SEMA3C: variants seen among roughly 807,000 people sequenced by gnomAD.
SEMA3C encodes semaphorin-3C.
A neutral mutation model predicts 89.4 loss-of-function variants in SEMA3C; 47 were observed. The ratio of observed to expected loss-of-function variants is 0.53; its 90% CI spans 0.42 to 0.67. The LOEUF (loss-of-function observed/expected upper bound fraction) is 0.67, where lower values mean the gene tolerates loss of function less well. Ranked by LOEUF, SEMA3C falls within the 30% of genes least tolerant of loss-of-function variation. SEMA3C has a pLI of 0.00. For missense variants in SEMA3C, 839 were observed against 929.1 expected (o/e 0.90, Z 1.26); for synonymous variants, 310 against 320.2 (o/e 0.97, Z 0.34).
At chr7:80,874,439 C>A (rs1791148715) in intron 2 of SEMA3C, among the ~76,000 whole-genome samples, 2 of 112,542 alleles carry the variant, frequency 1.8e-5, no homozygotes, top group Admixed American at 9.4e-5. Context: ...TTTAAAAGAC[C>A]ATAGCAAGTT....
At chr7:80,770,724 G>A (rs1241160995) in intron 12 of SEMA3C, among the ~76,000 whole-genome samples, 1 of 152,182 alleles carries the variant, frequency 6.6e-6, no homozygotes, top group Non-Finnish European at 1.5e-5. Context: ...CATGATGTAA[G>A]CCTGGCCAAT....
chr7:80,745,439 T>C (rs1034803568), intron 17 of SEMA3C, 132 bp from the exon 18 acceptor site: 6 of 843,112 alleles, frequency 7.1e-6, no homozygotes, highest in African/African-American at 3.5e-5. Flanking sequence ...AGCATCCTTC[T>C]CAGTGGACAT....
chr7:80,872,797 CAAAAAAAAAAA>C (rs1218885274), intron 2 of SEMA3C, among the ~76,000 whole-genome samples: 5 of 40,100 alleles, frequency 1.2e-4, no homozygotes, highest in South Asian at 8.1e-4. Context: ...GAGACTCTGT[CAAAAAAAAAAA>C]AAAAAAAAAA....
chr7:80,906,999 T>C (rs1792031161), intron 2 of SEMA3C, among the ~76,000 whole-genome samples: 1 of 152,184 alleles, frequency 6.6e-6, no homozygotes, highest in African/African-American at 2.4e-5. Flanking sequence ...ACCCTTTGCT[T>C]ACTGTACTTT....
At chr7:80,751,874 G>A (rs929665481) in intron 15 of SEMA3C, among the ~76,000 whole-genome samples, 31 of 152,258 alleles carry the variant, frequency 2.0e-4, no homozygotes, top group African/African-American at 7.2e-4. Flanking sequence ...ACTAGAATAA[G>A]CATGTTGTCC....
In SEMA3C at chr7:80,916,739, A is replaced by C; in HGVS notation, c.43T>G (p.Cys15Gly). 6.2e-7 allele frequency: 1 copy of C among 1,613,856 alleles called. No individual in the cohort carries two copies. The highest frequency in any genetic ancestry group is 8.5e-7 in the Non-Finnish European group (1 of 1,179,812). Reference sequence around the variant, plus strand: ...GAAGATCCTTTCACACAGATAGAACAAATAAATACTCCAACCAACACGCAA... The same window carrying C: ...GAAGATCCTTTCACACAGATAGAACCAATAAATACTCCAACCAACACGCAA... ...TICVLVGVFI[C>G]SICVKGSSQP... The change falls in exon 2 of 18, where the codon TGT (cysteine) becomes GGT (glycine). Residue 15 changes from cysteine to glycine, a missense_variant. Cys to Gly is a radical substitution (Grantham distance 159). Coordinates refer to ENST00000265361, the MANE Select transcript of SEMA3C (RefSeq NM_006379.5).
rs752416967 is a variant in SEMA3C at position 80,804,189 on chromosome 7, C to A, written c.718G>T (p.Val240Leu). ...PDGTDPNDAK[V>L]YFFFKEKLTD... Reference sequence around the variant, plus strand: ...AGTTTTTCTTTGAAGAAGAAGTACACCTTAGCATCATTTGGATCAGTACCA... The same window carrying A: ...AGTTTTTCTTTGAAGAAGAAGTACAACTTAGCATCATTTGGATCAGTACCA... Residue 240 changes from valine to leucine, a missense_variant, in exon 8 of 18, where the codon GTG becomes TTG. Val to Leu is a conservative substitution (Grantham distance 32). Coordinates refer to ENST00000265361, the MANE Select transcript of SEMA3C (RefSeq NM_006379.5). 3 of 1,612,456 alleles carry A rather than the reference C, an allele frequency of 1.9e-6. No homozygotes were observed.
intron 2 of SEMA3C, among the ~76,000 whole-genome samples, chr7:80,906,355 T>C (rs534796837): frequency 3.1e-4 from 47 of 152,208 alleles, no homozygotes; most frequent in Non-Finnish European, 5.4e-4. Flanking sequence ...GGTAATTTCA[T>C]CTAAGTGCTC....
intron 2 of SEMA3C, among the ~76,000 whole-genome samples, chr7:80,894,446 T>A (rs1462760735): frequency 2.0e-5 from 3 of 152,074 alleles, no homozygotes; most frequent in East Asian, 3.9e-4. Flanking sequence ...TTACAAGAAT[T>A]TTTTTTAATG....
At chr7:80,782,015 G>A (rs867323424) in intron 12 of SEMA3C, among the ~76,000 whole-genome samples, 61 of 152,232 alleles carry the variant, frequency 4.0e-4, no homozygotes, top group South Asian at 2.1e-4. Flanking sequence ...CAAAGAGTTT[G>A]ATGGGTGTTT....
chr7:80,879,137 A>C (rs1176446459), intron 2 of SEMA3C, among the ~76,000 whole-genome samples: 1 of 152,158 alleles, frequency 6.6e-6, no homozygotes, highest in Non-Finnish European at 1.5e-5. Context: ...ACAGAAATGC[A>C]GCCAAAGTGC....
intron 11 of SEMA3C, chr7:80,796,726 T>C (rs1488921076): frequency 6.6e-6 from 1 of 152,222 alleles, no homozygotes; most frequent in East Asian, 1.9e-4. Flanking sequence ...TTTAATCTTT[T>C]TATGAATAAG....
At chr7:80,872,786 C>G (rs1400159827) in intron 2 of SEMA3C, among the ~76,000 whole-genome samples, 1 of 118,466 alleles carries the variant, frequency 8.4e-6, no homozygotes, top group Non-Finnish European at 1.6e-5. Flanking sequence ...GGCAACAGAG[C>G]GAGACTCTGT....
intron 2 of SEMA3C, among the ~76,000 whole-genome samples, chr7:80,889,073 G>C (rs1791550193): frequency 6.6e-6 from 1 of 152,114 alleles, no homozygotes; most frequent in Non-Finnish European, 1.5e-5. Context: ...ATGTTGGCCA[G>C]GCTGGTCTCC....
At chr7:80,766,914 C>A (rs11972296) in intron 12 of SEMA3C, among the ~76,000 whole-genome samples, 1 of 152,120 alleles carries the variant, frequency 6.6e-6, no homozygotes, top group African/African-American at 2.4e-5. Flanking sequence ...AAACACACTG[C>A]GCATGCTCTC....
At chr7:80,827,634 TAAAG>T in intron 3 of SEMA3C, 147 bp from the exon 4 acceptor site, 1 of 472,158 alleles carries the variant, frequency 2.1e-6, no homozygotes, top group Non-Finnish European at 3.6e-6. Context: ...AATTCATTAA[TAAAG>T]ATTCTATTAT....
chr7:80,765,936 T>C (rs923607969), intron 12 of SEMA3C, among the ~76,000 whole-genome samples: 1 of 152,156 alleles, frequency 6.6e-6, no homozygotes, highest in Non-Finnish European at 1.5e-5. Flanking sequence ...ACCAACATTA[T>C]AAAGTGACAA....
intron 12 of SEMA3C, among the ~76,000 whole-genome samples, chr7:80,772,225 A>G (rs759315347): frequency 3.3e-5 from 5 of 152,168 alleles, no homozygotes; most frequent in Non-Finnish European, 7.3e-5. Flanking sequence ...ACCCATTCCT[A>G]ATACATTTAT....
rs1789113131 is a variant in SEMA3C at position 80,798,187 on chromosome 7, G to C, written c.1036C>G (p.Gln346Glu). Residue 346 changes from glutamine (Q) to glutamate (E), a missense_variant, in exon 11 of 18, where the codon CAG (glutamine) becomes GAG (glutamate). Physicochemically the swap from Gln to Glu is conservative, Grantham distance 29. Coordinates refer to ENST00000265361, the MANE Select transcript of SEMA3C (RefSeq NM_006379.5). ...AVCVYHLSDI[Q>E]TVFNGPFAHK... ...GCAAAAGGCCCATTAAACACAGTCTGTATATCAGATAAATGATACACACAC... is the reference window on the plus strand; with the variant it reads ...GCAAAAGGCCCATTAAACACAGTCTCTATATCAGATAAATGATACACACAC... 1.3e-6 allele frequency: 2 copies of C among 1,591,288 alleles called. No homozygotes were observed. The highest frequency in any genetic ancestry group is 1.7e-6 in the Non-Finnish European group (2 of 1,171,176).
Sources: gnomAD v4.1 joint callset for allele counts (sites outside exome capture counted in the v4.1 genomes callset) on GRCh38, gnomAD v4.1.1 for gene constraint, MANE v1.5 for transcripts, NCBI Gene and HGNC (gene_info 2026-07-23, HGNC 2026-07-21) for gene names.